Variants in DOCK8 observed in about 807,000 individuals in gnomAD.
DOCK8 encodes the protein dedicator of cytokinesis protein 8.
Under a neutral mutation model 245.6 loss-of-function variants are expected in DOCK8, and 141 were observed. The ratio of observed to expected loss-of-function variants is 0.57; its 90% CI spans 0.50 to 0.66. The LOEUF is 0.66. Among genes scored for constraint, DOCK8 ranks in the 30% least tolerant of loss-of-function variants. The probability of loss-of-function intolerance (pLI) is 0.00; values close to 1 mark genes in which losing one functional copy is unlikely to be tolerated. For synonymous variants in DOCK8, 1,168 were observed against 970.2 expected (o/e 1.20, Z -3.79); for missense variants, 2,965 against 2,603.4 (o/e 1.14, Z -3.02).
At chr9:237,553 G>C (rs1231131864) in intron 1 of DOCK8, among the ~76,000 whole-genome samples, 1 of 152,178 alleles carries the variant, frequency 6.6e-6, no homozygotes, top group Admixed American at 6.5e-5. Context: ...TACTCAGGAG[G>C]CCAAGATGGA....
intron 39 of DOCK8, among the ~76,000 whole-genome samples, chr9:438,179 G>A (rs1340990115): frequency 1.3e-5 from 2 of 152,210 alleles, no homozygotes; most frequent in African/African-American, 4.8e-5. Flanking sequence ...TGCTAAGGTT[G>A]ATTCACATGA....
intron 7 of DOCK8, 61 bp downstream of exon 7, chr9:317,189 T>C: frequency 7.5e-7 from 1 of 1,326,138 alleles, no homozygotes; most frequent in South Asian, 1.2e-5. Flanking sequence ...TACATACAAA[T>C]GTTGTGTTTA....
At chr9:447,002 G>C (rs1284925122) in intron 44 of DOCK8, among the ~76,000 whole-genome samples, 1 of 152,058 alleles carries the variant, frequency 6.6e-6, no homozygotes, top group Non-Finnish European at 1.5e-5. Flanking sequence ...AATTATTGGA[G>C]ACGGGACCTG....
At chr9:257,087 G>T (rs938020293) in intron 1 of DOCK8, among the ~76,000 whole-genome samples, 5 of 152,130 alleles carry the variant, frequency 3.3e-5, no homozygotes, top group Admixed American at 1.3e-4. Flanking sequence ...TCATAACTTT[G>T]GAACAGTGCA....
At chr9:370,121 G>A (rs2053217086) in intron 15 of DOCK8, 109 bp from the exon 16 acceptor site, 2 of 969,420 alleles carry the variant, frequency 2.1e-6, no homozygotes, top group East Asian at 2.5e-5. Context: ...ACTCTTAATT[G>A]TACAAAATGC....
chr9:443,361 C>T, intron 42 of DOCK8, 66 bp from the exon 43 acceptor site: 1 of 1,478,148 alleles, frequency 6.8e-7, no homozygotes, highest in Non-Finnish European at 9.4e-7. Flanking sequence ...TATTTCACTT[C>T]CAAGAAGACA....
At chr9:263,921 T>A (rs1020813144) in intron 1 of DOCK8, among the ~76,000 whole-genome samples, 1 of 152,242 alleles carries the variant, frequency 6.6e-6, no homozygotes, top group Non-Finnish European at 1.5e-5. Context: ...GTGTCTAGGT[T>A]TGATTTCCTC....
At chr9:303,923 C>A (rs2049682050) in intron 4 of DOCK8, among the ~76,000 whole-genome samples, 1 of 152,168 alleles carries the variant, frequency 6.6e-6, no homozygotes, top group Non-Finnish European at 1.5e-5. Context: ...ATGGGAAATA[C>A]ACATGTTGGT....
chr9:403,738 A>C (rs1387702443), intron 26 of DOCK8, among the ~76,000 whole-genome samples: 1 of 151,124 alleles, frequency 6.6e-6, no homozygotes. Context: ...GTTGATGTGC[A>C]CCTGTAATCC....
chr9:455,013 G>A (rs2057589765), intron 46 of DOCK8, among the ~76,000 whole-genome samples: 2 of 152,212 alleles, frequency 1.3e-5, no homozygotes, highest in Non-Finnish European at 2.9e-5. Context: ...CTACAGAAAT[G>A]TTGGATTTTC....
chr9:311,866 T>C (rs1374680076), intron 5 of DOCK8, 88 bp from the exon 6 acceptor site: 1 of 1,517,134 alleles, frequency 6.6e-7, no homozygotes, highest in Non-Finnish European at 9.1e-7. Flanking sequence ...AGTCCCAAAT[T>C]GGAGCAGTCT....
At chr9:453,989 A>ATGAC (rs1368835722) in intron 46 of DOCK8, among the ~76,000 whole-genome samples, 19 of 152,342 alleles carry the variant, frequency 1.2e-4, no homozygotes, top group African/African-American at 3.6e-4. Context: ...TCTGTTCTTA[A>ATGAC]TGACAGGACA....
Position 243,332 on chromosome 9 carries a change from T to C in DOCK8, c.54-28295T>C, listed in dbSNP as rs118034217. On this transcript the variant is annotated intron_variant, in intron 1 of 47. Coordinates refer to ENST00000432829, the MANE Select transcript of DOCK8 (RefSeq NM_203447.4). ...TTCTGACCCTGAGTGCTACTGACAT[T>C]GTGAATCGCACTGCAAACAGAACAC... is the stretch of plus-strand genomic sequence containing the variant. Among the ~76,000 whole-genome samples the C allele has an allele frequency of 2.0e-5, 3 of 152,296 alleles. No homozygotes were observed. The East Asian group carries it at 5.8e-4, about 29-fold the overall frequency.
Position 286,552 on chromosome 9 carries a change from T to A in DOCK8, c.248T>A (p.Leu83His), listed in dbSNP as rs771241392. The A allele has an allele frequency of 6.2e-6, 10 of 1,613,878 alleles. No homozygotes were observed. The highest frequency in any genetic ancestry group is 7.6e-6 in the Non-Finnish European group (9 of 1,179,940). Residue 83 changes from leucine to histidine, a missense_variant, in exon 3 of 48, where the codon CTC (leucine) becomes CAC (histidine). Coordinates refer to ENST00000432829, the MANE Select transcript of DOCK8 (RefSeq NM_203447.4). ...NSLDVQLAQE[L>H]GDFTDDDLDV... Reference sequence around the variant, plus strand: ...CTGGATGTGCAGCTTGCCCAGGAGCTCGGGGACTTCACTGATGACGACTTG... The same window carrying A: ...CTGGATGTGCAGCTTGCCCAGGAGCACGGGGACTTCACTGATGACGACTTG...
intron 1 of DOCK8, among the ~76,000 whole-genome samples, chr9:262,520 A>C (rs536594660): frequency 7.8e-6 from 1 of 128,488 alleles, no homozygotes; most frequent in African/African-American, 2.7e-5. Context: ...ACTAATACAC[A>C]GTGCAATATA....
At chr9:351,216 G>A (rs1051871721) in intron 14 of DOCK8, among the ~76,000 whole-genome samples, 4 of 152,180 alleles carry the variant, frequency 2.6e-5, no homozygotes, top group South Asian at 2.1e-4. Context: ...ACTGGGGAAC[G>A]CCTTTCTCCA....
intron 37 of DOCK8, among the ~76,000 whole-genome samples, chr9:433,389 T>C (rs2056787093): frequency 6.6e-6 from 1 of 152,120 alleles, no homozygotes; most frequent in Non-Finnish European, 1.5e-5. Context: ...TACTGCAGGC[T>C]CCCCTGGACC....
intron 14 of DOCK8, among the ~76,000 whole-genome samples, chr9:364,331 A>G (rs959818061): frequency 6.6e-6 from 1 of 152,184 alleles, no homozygotes; most frequent in African/African-American, 2.4e-5. Flanking sequence ...TACATACAGT[A>G]TGATGAAAAT....
rs965846222 is a variant in DOCK8 at position 400,962 on chromosome 9, C to T, written c.3234+1703C>T. ...ACCACCACCATCACCACCACCACCACCACCTCCTCCACCATCACCACCTCC... is the reference window on the plus strand; with the variant it reads ...ACCACCACCATCACCACCACCACCATCACCTCCTCCACCATCACCACCTCC... On this transcript the variant is annotated intron_variant, in intron 26 of 47. Coordinates refer to ENST00000432829, the MANE Select transcript of DOCK8 (RefSeq NM_203447.4). Among the ~76,000 whole-genome samples the T allele has an allele frequency of 1.7e-4, 23 of 135,586 alleles. 6 individuals are homozygous for T. Among genetic ancestry groups the T allele is most frequent in the African/African-American group, 3.0e-4 (11 of 36,614 alleles). 88.9% of individuals were successfully genotyped at this position (135,586 alleles called of 152,430 possible).
Sources: gnomAD v4.1 joint callset for allele counts (sites outside exome capture counted in the v4.1 genomes callset) on GRCh38, gnomAD v4.1.1 for gene constraint, MANE v1.5 for transcripts, NCBI Gene and HGNC (gene_info 2026-07-23, HGNC 2026-07-21) for gene names.